The following PLCZ1 variants were observed in gnomAD, a reference collection of about 807,000 sequenced individuals.
PLCZ1 encodes 1-phosphatidylinositol 4,5-bisphosphate phosphodiesterase zeta-1.
PLCZ1 carries 64 observed loss-of-function variants against 76.8 expected under a neutral mutation model. That is an observed-to-expected ratio of 0.83 (90% CI 0.68 to 1.03). The LOEUF (loss-of-function observed/expected upper bound fraction) is 1.03, where lower values mean the gene tolerates loss of function less well. PLCZ1 is among the 50% of genes least tolerant of loss of function. The pLI is 0.00. For missense variants in PLCZ1, 751 were observed against 713.7 expected, an observed-to-expected ratio of 1.05 and a Z score of -0.60; for synonymous variants, 248 against 230.8, an observed-to-expected ratio of 1.07 and a Z score of -0.68.
the PLCZ1 span, among the ~76,000 whole-genome samples, chr12:18,671,664 T>C: frequency 6.6e-6 from 1 of 152,172 alleles, no homozygotes; most frequent in Non-Finnish European, 1.5e-5. Flanking sequence ...AAAATTTCAT[T>C]ATTGCAGACA....
chr12:18,652,662 T>C, the PLCZ1 span, among the ~76,000 whole-genome samples: 3 of 152,108 alleles, frequency 2.0e-5, no homozygotes, highest in Admixed American at 1.3e-4. Flanking sequence ...AAACAAATGA[T>C]AGAATGGCAC....
intron 5 of PLCZ1, chr12:18,714,765 T>A (rs1021726573): frequency 8.6e-5 from 13 of 151,948 alleles, no homozygotes; most frequent in African/African-American, 3.1e-4. Flanking sequence ...TAGGGAGAGG[T>A]TTGTAACTGG....
At chr12:18,652,809 TG>T in the PLCZ1 span, among the ~76,000 whole-genome samples, 1 of 148,536 alleles carries the variant, frequency 6.7e-6, no homozygotes, top group Non-Finnish European at 1.5e-5. Flanking sequence ...AGAATTATTA[TG>T]TCTCCAGAGA....
chr12:18,660,732 T>C, the PLCZ1 span, among the ~76,000 whole-genome samples: 1 of 152,028 alleles, frequency 6.6e-6, no homozygotes, highest in African/African-American at 2.4e-5. Flanking sequence ...ATTATTAGAT[T>C]CATATATATA....
In PLCZ1 at chr12:18,737,422, G is replaced by A. The variant is rs1348414927; in HGVS notation, c.-51C>T. 1.2e-6 allele frequency: 2 copies of A among 1,612,328 alleles called. No homozygotes were observed. Among genetic ancestry groups the A allele is most frequent in the East Asian group, 2.2e-5 (1 of 44,816 alleles). ...CTCCTCACTTAGAAGTCTTTCCCCA[G>A]TAGGTGCTGTCATGGGTTCCAAATA... On this transcript the variant is annotated 5_prime_UTR_variant, in exon 2 of 15. Transcript: ENST00000266505.
At chr12:18,707,279 G>A (rs1031967174) in intron 6 of PLCZ1, among the ~76,000 whole-genome samples, 21 of 152,138 alleles carry the variant, frequency 1.4e-4, no homozygotes, top group Non-Finnish European at 2.9e-4. Context: ...TTCTGAATTA[G>A]AGTGAGTCCA....
chr12:18,708,085 C>T (rs1693125125), intron 6 of PLCZ1, among the ~76,000 whole-genome samples: 2 of 152,122 alleles, frequency 1.3e-5, no homozygotes, highest in South Asian at 4.1e-4. Context: ...ACCTATAATC[C>T]TCATATGATA....
the PLCZ1 span, among the ~76,000 whole-genome samples, chr12:18,647,453 GAA>G: frequency 4.1e-4 from 52 of 127,704 alleles, no homozygotes; most frequent in East Asian, 4.2e-3. Flanking sequence ...ATCTAAAATT[GAA>G]AAAAAAAAAA....
At chr12:18,648,677 A>T in the PLCZ1 span, among the ~76,000 whole-genome samples, 1 of 152,106 alleles carries the variant, frequency 6.6e-6, no homozygotes, top group African/African-American at 2.4e-5. Context: ...AAACTTGGTT[A>T]TGCCTGGACT....
At chr12:18,659,811 C>T in the PLCZ1 span, among the ~76,000 whole-genome samples, 1 of 151,786 alleles carries the variant, frequency 6.6e-6, no homozygotes, top group East Asian at 1.9e-4. Context: ...TCACCTAATG[C>T]TAAAATAAAG....
chr12:18,716,438 C>A (rs1957997353), intron 5 of PLCZ1, among the ~76,000 whole-genome samples: 1 of 152,180 alleles, frequency 6.6e-6, no homozygotes, highest in Non-Finnish European at 1.5e-5. Flanking sequence ...GTCATGCCAA[C>A]CACTTACATG....
intron 5 of PLCZ1, among the ~76,000 whole-genome samples, chr12:18,713,398 A>G (rs993392807): frequency 1.6e-4 from 25 of 152,184 alleles, no homozygotes; most frequent in Non-Finnish European, 3.4e-4. Context: ...GCCCTCTCAG[A>G]ATAGTAAAAT....
chr12:18,660,318 A>G, the PLCZ1 span, among the ~76,000 whole-genome samples: 1 of 152,206 alleles, frequency 6.6e-6, no homozygotes, highest in African/African-American at 2.4e-5. Flanking sequence ...CTGTGTTCTG[A>G]TATCTGATTG....
chr12:18,645,794 T>C, the PLCZ1 span, among the ~76,000 whole-genome samples: 1 of 152,170 alleles, frequency 6.6e-6, no homozygotes, highest in African/African-American at 2.4e-5. Context: ...TTCATGAAAA[T>C]ATAAATTATT....
the PLCZ1 span, among the ~76,000 whole-genome samples, chr12:18,659,663 C>CTTTTTTTT: frequency 3.0e-5 from 4 of 133,818 alleles, no homozygotes; most frequent in Non-Finnish European, 4.8e-5. Flanking sequence ...GTTCTCCATT[C>CTTTTTTTT]TTTTTTTTTT....
At chr12:18,733,912 T>A (rs1959171206) in intron 3 of PLCZ1, among the ~76,000 whole-genome samples, 1 of 152,174 alleles carries the variant, frequency 6.6e-6, no homozygotes, top group Admixed American at 6.5e-5. Flanking sequence ...GCCTCCACCT[T>A]TATATTTCTT....
the PLCZ1 span, among the ~76,000 whole-genome samples, chr12:18,668,220 T>C: frequency 6.6e-6 from 1 of 152,104 alleles, no homozygotes; most frequent in Non-Finnish European, 1.5e-5. Flanking sequence ...CTACAGAATA[T>C]CACAGTAAGC....
At chr12:18,728,680 T>C (rs1958885628) in intron 3 of PLCZ1, among the ~76,000 whole-genome samples, 1 of 152,082 alleles carries the variant, frequency 6.6e-6, no homozygotes, top group Admixed American at 6.6e-5. Context: ...ACAGAGAGGC[T>C]AACCAGTGGA....
intron 7 of PLCZ1, 34 bp downstream of exon 7, chr12:18,705,132 T>A: frequency 6.2e-7 from 1 of 1,611,224 alleles, no homozygotes. Flanking sequence ...ATGGACTTTT[T>A]TCTTAACCTG....
Sources: allele counts gnomAD v4.1 joint callset (sites outside exome capture counted in the v4.1 genomes callset), GRCh38; gene constraint gnomAD v4.1.1; transcripts MANE v1.5; gene names NCBI Gene and HGNC (gene_info 2026-07-23, HGNC 2026-07-21).